The following IGF1R variants were observed in gnomAD, a reference collection of about 807,000 sequenced individuals.
IGF1R encodes the protein insulin-like growth factor 1 receptor.
A neutral mutation model predicts 144.6 loss-of-function variants in IGF1R; 44 were observed. The observed-to-expected ratio is 0.30, with a 90% CI of 0.24 to 0.39. The LOEUF (loss-of-function observed/expected upper bound fraction) is 0.39, where lower values mean the gene tolerates loss of function less well. Ranked by LOEUF, IGF1R falls within the 10% of genes least tolerant of loss-of-function variation. IGF1R has a pLI of 1.00. For missense variants in IGF1R, 1,355 were observed against 1,833.7 expected, an observed-to-expected ratio of 0.74 and a Z score of 4.77; for synonymous variants, 795 against 722.8, an observed-to-expected ratio of 1.10 and a Z score of -1.60.
chr15:98,674,774 TTTG>T (rs1002908614), intron 1 of IGF1R, among the ~76,000 whole-genome samples: 1 of 152,056 alleles, frequency 6.6e-6, no homozygotes, highest in African/African-American at 2.4e-5. Flanking sequence ...TTGTTAATAT[TTTG>T]TTGTGTTTTC....
intron 2 of IGF1R, among the ~76,000 whole-genome samples, chr15:98,758,564 G>C (rs776894063): frequency 7.9e-5 from 12 of 152,242 alleles, no homozygotes; most frequent in Admixed American, 2.6e-4. Context: ...CTTGGGAACA[G>C]TTCCACCTTC....
intron 2 of IGF1R, among the ~76,000 whole-genome samples, chr15:98,832,293 C>G (rs1386802282): frequency 3.3e-5 from 5 of 152,100 alleles, no homozygotes; most frequent in African/African-American, 4.8e-5. Context: ...TTAAAACATT[C>G]CTGTAGCCCC....
intron 2 of IGF1R, among the ~76,000 whole-genome samples, chr15:98,757,763 A>G (rs2055190933): frequency 6.6e-6 from 1 of 152,134 alleles, no homozygotes; most frequent in African/African-American, 2.4e-5. Context: ...TTTGTTCTCT[A>G]ATAGGGACGT....
At chr15:98,714,033 C>T (rs2054058026) in intron 2 of IGF1R, among the ~76,000 whole-genome samples, 1 of 152,142 alleles carries the variant, frequency 6.6e-6, no homozygotes, top group Non-Finnish European at 1.5e-5. Context: ...TCCTATTGCC[C>T]TCAAAATGAG....
intron 2 of IGF1R, among the ~76,000 whole-genome samples, chr15:98,794,211 C>T (rs956405701): frequency 6.6e-6 from 1 of 152,216 alleles, no homozygotes; most frequent in Non-Finnish European, 1.5e-5. Context: ...GTCTAGACTT[C>T]CGCAGTTTTG....
intron 2 of IGF1R, among the ~76,000 whole-genome samples, chr15:98,808,805 G>C (rs1355332443): frequency 6.6e-6 from 1 of 151,396 alleles, no homozygotes; most frequent in East Asian, 1.9e-4. Context: ...TCAGCCTCCC[G>C]AGTAGCTAGG....
At chr15:98,826,486 G>C (rs2056896902) in intron 2 of IGF1R, among the ~76,000 whole-genome samples, 1 of 152,200 alleles carries the variant, frequency 6.6e-6, no homozygotes, top group Non-Finnish European at 1.5e-5. Flanking sequence ...ATTTATCGTT[G>C]AAGGGCATTT....
chr15:98,883,468 G>C (rs1483524086), intron 2 of IGF1R, among the ~76,000 whole-genome samples: 1 of 152,216 alleles, frequency 6.6e-6, no homozygotes, highest in Non-Finnish European at 1.5e-5. Flanking sequence ...TAGCAGACTT[G>C]TTTAAAGAAC....
chr15:98,776,982 T>A (rs2055734398), intron 2 of IGF1R, among the ~76,000 whole-genome samples: 1 of 152,222 alleles, frequency 6.6e-6, no homozygotes. Flanking sequence ...TCTTGCTGTT[T>A]TTGTGACCTT....
At chr15:98,886,728 T>G (rs1231501367) in intron 2 of IGF1R, among the ~76,000 whole-genome samples, 1 of 152,126 alleles carries the variant, frequency 6.6e-6, no homozygotes, top group East Asian at 1.9e-4. Context: ...TGCCCGGGGC[T>G]TTTCAAGAAA....
chr15:98,790,912 G>A (rs533900187), intron 2 of IGF1R, among the ~76,000 whole-genome samples: 46 of 152,294 alleles, frequency 3.0e-4, no homozygotes, highest in Non-Finnish European at 5.9e-4. Flanking sequence ...AGAAAGTGAC[G>A]TTGGTTAATC....
At chr15:98,890,049 A>G (rs542635061) in intron 2 of IGF1R, among the ~76,000 whole-genome samples, 1 of 152,194 alleles carries the variant, frequency 6.6e-6, no homozygotes, top group Non-Finnish European at 1.5e-5. Flanking sequence ...GATGTACACC[A>G]TGGATCTGTG....
chr15:98,962,006 C>G lies in IGF1R; in HGVS notation c.*4564C>G, dbSNP rs532185157. Reference sequence around the variant, plus strand: ...TTGGGATAAAAGATTTATGAGCCAACTATTCTCTGGCACCAGATTCTAGGC... The same window carrying G: ...TTGGGATAAAAGATTTATGAGCCAAGTATTCTCTGGCACCAGATTCTAGGC... On this transcript the variant is annotated 3_prime_UTR_variant, in exon 21 of 21. Transcript: ENST00000650285. 4.3e-6 allele frequency: 1 copy of G among 233,328 alleles called. No individual in the cohort carries two copies. Among genetic ancestry groups the G allele is most frequent in the Non-Finnish European group, 8.5e-6 (1 of 118,060 alleles). The allele number at this position is 233,328 out of a possible 1,614,324, so 14.5% of individuals were successfully genotyped here. A position where few individuals can be genotyped will look rare whatever the true frequency, so the allele number is the denominator to read the frequency against.
chr15:98,732,564 A>G (rs887821932), intron 2 of IGF1R, among the ~76,000 whole-genome samples: 1 of 152,150 alleles, frequency 6.6e-6, no homozygotes, highest in African/African-American at 2.4e-5. Context: ...TGGAGTGAGC[A>G]TGGGGAAGGG....
chr15:98,874,045 T>C (rs556342772), intron 2 of IGF1R, among the ~76,000 whole-genome samples: 1 of 152,214 alleles, frequency 6.6e-6, no homozygotes, highest in Non-Finnish European at 1.5e-5. Context: ...TGCCGGGGGT[T>C]TAGAAATTTC....
At chr15:98,919,096 C>T (rs1249208474) in intron 10 of IGF1R, among the ~76,000 whole-genome samples, 2 of 152,146 alleles carry the variant, frequency 1.3e-5, no homozygotes, top group South Asian at 2.1e-4. Context: ...AGAAAGATTG[C>T]AAAGAGGTTT....
intron 2 of IGF1R, among the ~76,000 whole-genome samples, chr15:98,835,492 G>C (rs2057083304): frequency 6.6e-6 from 1 of 152,170 alleles, no homozygotes; most frequent in Non-Finnish European, 1.5e-5. Flanking sequence ...CGACAGAGTG[G>C]ATAGGCTTCC....
chr15:98,855,902 C>T (rs1349540487), intron 2 of IGF1R, among the ~76,000 whole-genome samples: 2 of 152,214 alleles, frequency 1.3e-5, no homozygotes, highest in African/African-American at 2.4e-5. Context: ...CTGCCAGCCC[C>T]GTGATGCTGG....
At chr15:98,759,801 A>G (rs2055247855) in intron 2 of IGF1R, among the ~76,000 whole-genome samples, 5 of 152,220 alleles carry the variant, frequency 3.3e-5, no homozygotes, top group Admixed American at 3.3e-4. Context: ...CGAACCTGCT[A>G]ATGAAAGAGG....
Sources: allele counts gnomAD v4.1 joint callset (sites outside exome capture counted in the v4.1 genomes callset), GRCh38; gene constraint gnomAD v4.1.1; transcripts MANE v1.5; gene names NCBI Gene and HGNC (gene_info 2026-07-23, HGNC 2026-07-21).